Variants in LARP4 observed in about 807,000 individuals in gnomAD.
LARP4 encodes the protein La ribonucleoprotein 4.
Under a neutral mutation model 92.9 loss-of-function variants are expected in LARP4, and 29 were observed. The ratio of observed to expected loss-of-function variants is 0.31; its 90% CI spans 0.23 to 0.43. The LOEUF (loss-of-function observed/expected upper bound fraction) is 0.43. LARP4 is among the 20% of genes least tolerant of loss of function. The probability of loss-of-function intolerance (pLI) is 1.00; values close to 1 mark genes in which losing one functional copy is unlikely to be tolerated. For synonymous variants in LARP4, 279 were observed against 284.1 expected (o/e 0.98, Z 0.18); for missense variants, 732 against 860.0 (o/e 0.85, Z 1.86).
Position 50,467,144 on chromosome 12 carries a change from T to G in LARP4, c.1545+24T>G. The stretch of plus-strand genomic sequence containing the variant: ...AGGTAAACACCCAGCATCTGAGTCT[T>G]ACCTTATGAGACCATATTTAGGCTT... On this transcript the variant is annotated intron_variant, in intron 13 of 15. Coordinates refer to ENST00000398473, the MANE Select transcript of LARP4 (RefSeq NM_052879.5). 2.6e-6 allele frequency: 4 copies of G among 1,565,244 alleles called. No homozygotes were observed. In the South Asian group the frequency reaches 4.7e-5, roughly 18 times the overall value.
chr12:50,422,504 G>A (rs564821699), intron 1 of LARP4, among the ~76,000 whole-genome samples: 1 of 152,158 alleles, frequency 6.6e-6, no homozygotes, highest in Non-Finnish European at 1.5e-5. Context: ...AATATTTGAT[G>A]TAGGATAGCT....
chr12:50,470,773 G>A (rs1956844227), intron 13 of LARP4, among the ~76,000 whole-genome samples: 1 of 152,112 alleles, frequency 6.6e-6, no homozygotes, highest in Non-Finnish European at 1.5e-5. Context: ...AATATCCCTA[G>A]TATCTTAGCA....
At chr12:50,454,597 T>TGAGTTGGTA (rs1953879702) in intron 10 of LARP4, 180 bp downstream of exon 10, 2 of 449,616 alleles carry the variant, frequency 4.4e-6, no homozygotes, top group East Asian at 6.6e-5. Context: ...CTTTGACCTT[T>TGAGTTGGTA]GAGTTGGTAA....
chr12:50,467,812 C>T (rs1343573182), intron 13 of LARP4, among the ~76,000 whole-genome samples: 2 of 151,602 alleles, frequency 1.3e-5, no homozygotes, highest in Admixed American at 6.6e-5. Flanking sequence ...CAGAAATCCT[C>T]ATGTCTCACA....
At chr12:50,408,187 CTTTTTTTTTTT>C (rs71083565) in intron 1 of LARP4, among the ~76,000 whole-genome samples, 1,708 of 69,310 alleles carry the variant, frequency 0.025, 64 homozygotes, top group African/African-American at 0.096. Context: ...GGATTTTCTG[CTTTTTTTTTTT>C]TTTTTTTTTT....
At chr12:50,405,736 A>G (rs1007000694) in intron 1 of LARP4, among the ~76,000 whole-genome samples, 4 of 152,198 alleles carry the variant, frequency 2.6e-5, no homozygotes, top group East Asian at 1.9e-4. Flanking sequence ...TCTCTGTTTG[A>G]GTTTTTCCCT....
chr12:50,477,132 A>G lies in LARP4; in HGVS notation c.*1268A>G, dbSNP rs1957593921. ...CCCAACAAAATACAGTTTGGAATTC[A>G]CTGAAACAGTACCAGCAAGTCATGA... On this transcript the variant is annotated 3_prime_UTR_variant, in exon 16 of 16. Coordinates refer to ENST00000398473, the MANE Select transcript of LARP4 (RefSeq NM_052879.5). 1 of 152,518 alleles carries G rather than the reference A, an allele frequency of 6.6e-6. No individual in the cohort carries two copies. The highest frequency in any genetic ancestry group is 1.5e-5 in the Non-Finnish European group (1 of 68,006). The allele number at this position is 152,518 out of a possible 1,614,324, so 9.4% of individuals were successfully genotyped here. A position where few individuals can be genotyped will look rare whatever the true frequency, so the allele number is the denominator to read the frequency against.
intron 1 of LARP4, among the ~76,000 whole-genome samples, chr12:50,407,095 G>A (rs1455580681): frequency 2.0e-5 from 3 of 151,810 alleles, no homozygotes; most frequent in Non-Finnish European, 4.4e-5. Flanking sequence ...GCATGATCTC[G>A]GCTCACTGCA....
Position 50,449,311 on chromosome 12 carries a change from G to T in LARP4, c.805-4149G>T, listed in dbSNP as rs779563510. On this transcript the variant is annotated intron_variant, in intron 8 of 15. Transcript: ENST00000398473. ...TATAACTTTGTATTTTTTTCTTTTG[G>T]AAGTTTATGGGTAAGATAATCATTA... is the stretch of plus-strand genomic sequence containing the variant. Among the ~76,000 whole-genome samples, 3 of 152,052 alleles carry T rather than the reference G, an allele frequency of 2.0e-5. 1 individual carries two copies. The highest frequency in any genetic ancestry group is 4.2e-4 in the South Asian group (2 of 4,816).
intron 15 of LARP4, among the ~76,000 whole-genome samples, chr12:50,475,006 C>T (rs993269404): frequency 1.3e-5 from 2 of 152,148 alleles, no homozygotes; most frequent in African/African-American, 4.8e-5. Flanking sequence ...ATAATAGCTA[C>T]CATTTGAATG....
In LARP4 at chr12:50,477,088, C is replaced by G. The variant is rs948320839; in HGVS notation, c.*1224C>G. 6.6e-6 allele frequency: 1 copy of G among 152,392 alleles called. No individual in the cohort carries two copies. Among genetic ancestry groups the G allele is most frequent in the African/African-American group, 2.4e-5 (1 of 41,394 alleles). 9.4% of individuals were successfully genotyped at this position (152,392 alleles called of 1,614,324 possible). A position where few individuals can be genotyped will look rare whatever the true frequency, so the allele number is the denominator to read the frequency against. On this transcript the variant is annotated 3_prime_UTR_variant, in exon 16 of 16. Coordinates refer to ENST00000398473, the MANE Select transcript of LARP4 (RefSeq NM_052879.5). Reference sequence around the variant, plus strand: ...GTTTACAGTGTATTACCTTCCTTCCCTCCTCTTCTCCCCCCACACCCAACA... The same window carrying G: ...GTTTACAGTGTATTACCTTCCTTCCGTCCTCTTCTCCCCCCACACCCAACA...
At chr12:50,429,235 G>T (rs886495519) in intron 3 of LARP4, 145 bp downstream of exon 3, 2 of 607,574 alleles carry the variant, frequency 3.3e-6, no homozygotes, top group Non-Finnish European at 5.6e-6. Flanking sequence ...TTAGTTGATT[G>T]TTACATTGTT....
intron 10 of LARP4, among the ~76,000 whole-genome samples, chr12:50,455,176 T>G (rs1043701997): frequency 7.2e-5 from 11 of 152,202 alleles, no homozygotes; most frequent in African/African-American, 2.4e-4. Context: ...TTTTTCTTTA[T>G]GTAGACATCA....
chr12:50,463,124 C>T (rs1179904429), intron 12 of LARP4, among the ~76,000 whole-genome samples: 2 of 151,818 alleles, frequency 1.3e-5, no homozygotes, highest in Admixed American at 1.3e-4. Flanking sequence ...ACATCCCAGG[C>T]TTAAGTGATC....
At chr12:50,425,069 C>T (rs1054448173) in intron 1 of LARP4, among the ~76,000 whole-genome samples, 46 of 152,192 alleles carry the variant, frequency 3.0e-4, no homozygotes, top group Non-Finnish European at 5.9e-4. Context: ...ATAGCTTGAA[C>T]CCAGGATGAG....
intron 1 of LARP4, chr12:50,420,904 ATACTATGTAT>A (rs1947640451): frequency 6.6e-6 from 1 of 150,974 alleles, no homozygotes; most frequent in Non-Finnish European, 1.5e-5. Context: ...ATCTAAAATA[ATACTATGTAT>A]TTAATATATT....
intron 11 of LARP4, 63 bp downstream of exon 11, chr12:50,461,410 A>T: frequency 5.1e-6 from 7 of 1,371,286 alleles, no homozygotes; most frequent in Non-Finnish European, 7.1e-6. Context: ...TAATTGAAGA[A>T]CATGATCTTC....
chr12:50,435,779 G>A (rs1010713644), intron 5 of LARP4, among the ~76,000 whole-genome samples, 155 bp downstream of exon 5: 2 of 145,692 alleles, frequency 1.4e-5, no homozygotes, highest in Admixed American at 1.4e-4. Flanking sequence ...TTTTTTTTTC[G>A]GGGGTTGTGG....
chr12:50,425,924 G>A (rs773555537), intron 1 of LARP4, among the ~76,000 whole-genome samples: 5 of 152,006 alleles, frequency 3.3e-5, no homozygotes, highest in South Asian at 2.1e-4. Context: ...TTCCCCTGCC[G>A]GATTCCAGGG....
Sources: allele counts gnomAD v4.1 joint callset (sites outside exome capture counted in the v4.1 genomes callset), GRCh38; gene constraint gnomAD v4.1.1; transcripts MANE v1.5; gene names NCBI Gene and HGNC (gene_info 2026-07-23, HGNC 2026-07-21).